The following MCF2L variants were observed in gnomAD, a reference collection of about 807,000 sequenced individuals.
MCF2L encodes the protein MCF.2 cell line derived transforming sequence like.
Under a neutral mutation model 153.4 loss-of-function variants are expected in MCF2L, and 97 were observed. That is an observed-to-expected ratio of 0.63 (90% confidence interval 0.54 to 0.75). MCF2L has a LOEUF of 0.75. Among genes scored for constraint, MCF2L ranks in the 30% least tolerant of loss-of-function variants. The pLI is 0.00. For missense variants in MCF2L, 1,347 were observed against 1,495.2 expected (o/e 0.90, Z 1.64); for synonymous variants, 659 against 632.2 (o/e 1.04, Z -0.64).
At position 113,060,616 on chromosome 13, in the gene MCF2L, G is replaced by T; in HGVS notation, c.393G>T (p.Gln131His). 6.2e-7 allele frequency: 1 copy of T among 1,613,444 alleles called. No homozygotes were observed. The highest frequency in any genetic ancestry group is 8.5e-7 in the Non-Finnish European group (1 of 1,179,968). The change falls in exon 5 of 30, where the codon CAG (glutamine) becomes CAT (histidine). Residue 131 changes from glutamine (Q) to histidine (H), a missense_variant. Physicochemically the swap from Gln to His is conservative, Grantham distance 24 (BLOSUM62 0). Around this residue, in one of 3 missense-constraint regions of MCF2L, gnomAD observed 820 missense variants for 921.2 expected, o/e 0.89. Transcript: ENST00000535094. ...AGGCATCTTTCCCGGCAAACCTGCA[G>T]CTCGTCCTCGTGCTTCGCCCGACGG... Reference protein sequence around the residue: ...RIAASFPANLQLVLVLRPTGF... With the variant: ...RIAASFPANLHLVLVLRPTGF...
rs1392150104 is a variant in MCF2L, at chr13:113,074,503, C to T, written c.1056C>T (p.Asn352=). ...TAGCAACCTTCACAGACATCGGCAA[C>T]AGCCTGGCGCATGTGGAGCACCTGC... ...QKIATFTDIG[N]SLAHVEHLLR... Residue 352 remains asparagine (N), a synonymous_variant, in exon 10 of 30, where the codon AAC becomes AAT. Coordinates refer to ENST00000535094, the MANE Select transcript of MCF2L (RefSeq NM_001112732.3). This position sits in a 1 kb window ranked among gnomAD's most constrained non-coding sequence, Gnocchi z 4.2. The T allele has an allele frequency of 1.2e-6, 2 of 1,614,076 alleles. No individual in the cohort carries two copies. Among genetic ancestry groups the T allele is most frequent in the Admixed American group, 1.7e-5 (1 of 60,024 alleles).
rs1671368552 is a variant in MCF2L, at chr13:113,083,134, T to C, written c.1991+592T>C. 2.0e-5 allele frequency among the ~76,000 whole-genome samples: 3 copies of C among 152,212 alleles called. No individual in the cohort carries two copies. In the South Asian group the frequency reaches 6.2e-4, roughly 32 times the overall value. ...CTTTAACACAGTTTTGGGGAGCTCA[T>C]GGGAAGGTGTAGGGTGCACACGCAG... On this transcript the variant is annotated intron_variant, in intron 17 of 29. Coordinates refer to ENST00000535094, the MANE Select transcript of MCF2L (RefSeq NM_001112732.3).
rs539182368 is a variant in MCF2L, at chr13:113,070,196, G to A, written c.996+23G>A. The stretch of plus-strand genomic sequence containing the variant: ...GAGGTGAGTGGCCCTGGGTGGAGCC[G>A]GCAGCCGCCCTGATGCTCACGGGGC... On this transcript the variant is annotated intron_variant, in intron 9 of 29. Coordinates refer to ENST00000535094, the MANE Select transcript of MCF2L (RefSeq NM_001112732.3). This position sits in a 1 kb window ranked among gnomAD's most constrained non-coding sequence, Gnocchi z 5.6. 42 of 1,515,388 alleles carry A rather than the reference G, an allele frequency of 2.8e-5. No homozygotes were observed. The South Asian group carries it at 4.2e-4, about 15-fold the overall frequency. 93.9% of individuals were successfully genotyped at this position (1,515,388 alleles called of 1,614,324 possible). A position where few individuals can be genotyped will look rare whatever the true frequency, so the allele number is the denominator to read the frequency against.
intron 3 of MCF2L, chr13:113,026,720 C>T: frequency 1.7e-6 from 1 of 590,514 alleles, no homozygotes; most frequent in Admixed American, 3.1e-5. Context: ...CGCCTCCTGC[C>T]CTTTCCAGGA....
At chr13:113,050,946 G>A (rs66526251) in intron 4 of MCF2L, among the ~76,000 whole-genome samples, 58,880 of 151,854 alleles carry the variant, frequency 0.39, 12,416 homozygotes, top group South Asian at 0.5. Flanking sequence ...GGCCAGGTCC[G>A]TGTGCCCCTC....
At chr13:113,093,626 A>C (rs1044134117) in intron 26 of MCF2L, 4 of 152,370 alleles carry the variant, frequency 2.6e-5, no homozygotes, top group African/African-American at 9.6e-5. Context: ...GCTTGCTTCC[A>C]GTGGTACCAA....
intron 2 of MCF2L, among the ~76,000 whole-genome samples, chr13:112,955,274 A>G (rs2081743606): frequency 7.4e-6 from 1 of 136,042 alleles, no homozygotes; most frequent in African/African-American, 3.3e-5. Flanking sequence ...AGTGGAGCCC[A>G]GCCCTCCGTC....
At chr13:113,051,941 C>T (rs1051564727) in intron 4 of MCF2L, among the ~76,000 whole-genome samples, 3 of 152,268 alleles carry the variant, frequency 2.0e-5, no homozygotes, top group East Asian at 1.9e-4. Flanking sequence ...CCGTCCTGAC[C>T]CAGTCACCTC....
rs1595049491 is a variant in MCF2L, at chr13:113,096,060, G to A, written c.3076-311G>A. The A allele has an allele frequency of 1.4e-5, 7 of 504,648 alleles. 1 individual carries two copies. Among genetic ancestry groups the A allele is most frequent in the East Asian group, 1.2e-4 (3 of 26,014 alleles). 31.3% of individuals were successfully genotyped at this position (504,648 alleles called of 1,614,324 possible). A position where few individuals can be genotyped will look rare whatever the true frequency, so the allele number is the denominator to read the frequency against. On this transcript the variant is annotated intron_variant, in intron 27 of 29. Transcript: ENST00000535094. ...CATGGAAATAAGACCTGAAAGCACG[G>A]AAGGGCCCTCCGGGAGGCGGGTATG...
At chr13:113,016,718 G>T (rs531328346) in intron 2 of MCF2L, among the ~76,000 whole-genome samples, 1 of 151,946 alleles carries the variant, frequency 6.6e-6, no homozygotes, top group East Asian at 1.9e-4. Flanking sequence ...TTGCACAGCC[G>T]GCCCTCTCCA....
At chr13:113,096,748 C>A in intron 29 of MCF2L, 26 bp from the exon 30 acceptor site, 4 of 1,558,390 alleles carry the variant, frequency 2.6e-6, no homozygotes, top group Non-Finnish European at 3.4e-6. Context: ...GACGCCGAAG[C>A]CCGTCCCCGC....
At chr13:112,996,310 G>A (rs2141011378) in intron 1 of MCF2L, among the ~76,000 whole-genome samples, 1 of 152,278 alleles carries the variant, frequency 6.6e-6, no homozygotes, top group Middle Eastern at 3.4e-3. Context: ...ACAGAGCGAG[G>A]CCTTGGCTAG....
rs2032841275 is a variant in MCF2L at position 113,070,829 on chromosome 13, A to G, written c.996+656A>G. Among the ~76,000 whole-genome samples, 1 of 152,166 alleles carries G rather than the reference A, an allele frequency of 6.6e-6. No homozygotes were observed. Among genetic ancestry groups the G allele is most frequent in the Non-Finnish European group, 1.5e-5 (1 of 68,036 alleles). On this transcript the variant is annotated intron_variant, in intron 9 of 29. Coordinates refer to ENST00000535094, the MANE Select transcript of MCF2L (RefSeq NM_001112732.3). The surrounding 1 kb of genome is among the most constrained non-coding windows in gnomAD (Gnocchi z 5.6). The stretch of plus-strand genomic sequence containing the variant: ...CGGACCACAGTTCTTTCAATCATTC[A>G]CCTGTTGAAGGGTATCTGGGTTGTT...
rs11839280 is a variant in MCF2L at position 113,089,544 on chromosome 13, C to A, written c.2835-66C>A. On this transcript the variant is annotated intron_variant, in intron 25 of 29. Transcript: ENST00000535094. ...GAGATATCTGAATGCCTCAGGTCCT[C>A]AGGGCGTTCTGAAAGACTAACCAGG... 8.2e-4 allele frequency: 871 copies of A among 1,066,026 alleles called. 5 individuals carry two copies. The African/African-American group carries it at 0.012, about 15-fold the overall frequency. 66.0% of individuals were successfully genotyped at this position (1,066,026 alleles called of 1,614,324 possible).
intron 4 of MCF2L, among the ~76,000 whole-genome samples, chr13:113,057,829 GTGGGCGCTGAGTGTT>G (rs2030448616): frequency 6.8e-6 from 1 of 147,674 alleles, no homozygotes; most frequent in African/African-American, 2.5e-5. Flanking sequence ...TGGGCACTGT[GTGGGCGCTGAGTGTT>G]TGGGCGCTGT....
intron 8 of MCF2L, 145 bp downstream of exon 8, chr13:113,066,315 G>A: frequency 3.0e-6 from 3 of 991,414 alleles, no homozygotes; most frequent in South Asian, 2.0e-5. Context: ...GGCCAGCACA[G>A]CAGCCGGCCT....
In MCF2L at chr13:113,074,418, CT is replaced by C. The variant is rs2033232235; in HGVS notation, c.997-25del. 6.2e-7 allele frequency: 1 copy of C among 1,604,226 alleles called. No individual in the cohort carries two copies. The highest frequency in any genetic ancestry group is 1.1e-5 in the South Asian group (1 of 90,906). The stretch of plus-strand genomic sequence containing the variant: ...CTGTTCAGGTGAGGGAGACACCCCC[CT>C]GAGATGGGCCCTCCTCTGTTCCAGG... On this transcript the variant is annotated intron_variant, in intron 9 of 29. Transcript: ENST00000535094. This position sits in a 1 kb window ranked among gnomAD's most constrained non-coding sequence, Gnocchi z 4.2.
At chr13:112,899,798 G>A (rs1021964597) in intron 1 of MCF2L, among the ~76,000 whole-genome samples, 2 of 152,250 alleles carry the variant, frequency 1.3e-5, no homozygotes, top group African/African-American at 2.4e-5. Flanking sequence ...CCTCCACCAT[G>A]TCAGTGTGAC....
At chr13:113,039,793 TC>T (rs1479465933) in intron 3 of MCF2L, among the ~76,000 whole-genome samples, 1 of 152,216 alleles carries the variant, frequency 6.6e-6, no homozygotes, top group African/African-American at 2.4e-5. Context: ...ACAGACAGTA[TC>T]CAGTGCTGAC....
Sources: gnomAD v4.1 joint callset for allele counts (sites outside exome capture counted in the v4.1 genomes callset) on GRCh38, gnomAD v4.1.1 for gene constraint, gnomAD v4.1.1 regional missense constraint, Gnocchi (gnomAD v3.1) non-coding constraint, MANE v1.5 for transcripts, NCBI Gene and HGNC (gene_info 2026-07-23, HGNC 2026-07-21) for gene names.